The following KNDC1 variants were observed in gnomAD, a reference collection of about 807,000 sequenced individuals.
KNDC1 encodes the protein kinase non-catalytic C-lobe domain containing 1.
Under a neutral mutation model 172.8 loss-of-function variants are expected in KNDC1, and 106 were observed. The observed-to-expected ratio is 0.61, with a 90% CI of 0.52 to 0.72. The LOEUF is 0.72. Among genes scored for constraint, KNDC1 ranks in the 30% least tolerant of loss-of-function variants. KNDC1 has a pLI of 0.00. For synonymous variants in KNDC1, 1,083 were observed against 1,062.2 expected (o/e 1.02, Z -0.38); for missense variants, 2,325 against 2,394.5 (o/e 0.97, Z 0.61).
chr10:133,184,249 C>T (rs915749699), intron 5 of KNDC1, among the ~76,000 whole-genome samples: 1 of 138,500 alleles, frequency 7.2e-6, no homozygotes, highest in South Asian at 2.4e-4. Flanking sequence ...GCACACACTG[C>T]ACACACACGT....
chr10:133,207,427 C>T (rs545219600), intron 20 of KNDC1, 76 bp downstream of exon 20: 64 of 1,340,594 alleles, frequency 4.8e-5, no homozygotes, highest in African/African-American at 1.4e-4. Flanking sequence ...AACGTGCCCT[C>T]GCCAGTCAGC....
At position 133,209,732 on chromosome 10, in the gene KNDC1, G is replaced by A. The variant is rs1316765857; in HGVS notation, c.3795-879G>A. On this transcript the variant is annotated intron_variant, in intron 20 of 29. Coordinates refer to ENST00000304613, the MANE Select transcript of KNDC1 (RefSeq NM_152643.8). This position sits in a 1 kb window ranked among gnomAD's most constrained non-coding sequence, Gnocchi z 4.9. ...TGGTGGGCGTCACCTTTGCAGGGCA[G>A]CCTGGGGCTGGGGCTGTGGCCACCT... Among the ~76,000 whole-genome samples the A allele has an allele frequency of 2.0e-5, 3 of 152,074 alleles. No homozygotes were observed. The highest frequency in any genetic ancestry group is 4.4e-5 in the Non-Finnish European group (3 of 67,980).
At chr10:133,177,003 G>A (rs1441107605) in intron 3 of KNDC1, among the ~76,000 whole-genome samples, 3 of 152,328 alleles carry the variant, frequency 2.0e-5, no homozygotes, top group South Asian at 2.1e-4. Context: ...CTGAGTCTGC[G>A]TTCCCTGCTG....
At chr10:133,204,528 G>A (rs548315239) in intron 17 of KNDC1, among the ~76,000 whole-genome samples, 44 of 152,230 alleles carry the variant, frequency 2.9e-4, no homozygotes, top group African/African-American at 9.6e-4. Context: ...CTGCCGTAGC[G>A]GGGAGCCTGG....
chr10:133,183,410 G>A lies in KNDC1; in HGVS notation c.427G>A (p.Glu143Lys). Residue 143 changes from glutamate to lysine, a missense_variant, in exon 4 of 30, where the codon GAA (glutamate) becomes AAA (lysine). By Grantham distance (56) the Glu-to-Lys change is moderately conservative. Coordinates refer to ENST00000304613, the MANE Select transcript of KNDC1 (RefSeq NM_152643.8). ...ALEYVAEPTLEPRLSQDLEAL... is the reference protein window; with the variant it reads ...ALEYVAEPTLKPRLSQDLEAL... ...CGAGTACGTGGCAGAGCCCACACTG[G>A]AACCCAGGCTGAGCCAAGACCTCGA... 6.2e-7 allele frequency: 1 copy of A among 1,603,878 alleles called. No homozygotes were observed. Among genetic ancestry groups the A allele is most frequent in the Non-Finnish European group, 8.5e-7 (1 of 1,177,016 alleles).
rs1054833245 is a variant in KNDC1, at chr10:133,224,514, T to C, written c.5019-145T>C. On this transcript the variant is annotated intron_variant, in intron 29 of 29. Transcript: ENST00000304613. This position sits in a 1 kb window ranked among gnomAD's most constrained non-coding sequence, Gnocchi z 5.4. ...AGTAGTGACCTTTCCACCTCGCCAA[T>C]AAATACAGACAACCCACCCTTCAGA... is the stretch of plus-strand genomic sequence containing the variant. 15 of 640,212 alleles carry C rather than the reference T, an allele frequency of 2.3e-5. No individual in the cohort carries two copies. The African/African-American group carries it at 2.4e-4, about 10-fold the overall frequency. 39.7% of individuals were successfully genotyped at this position (640,212 alleles called of 1,614,324 possible).
intron 2 of KNDC1, 23 bp from the exon 3 acceptor site, chr10:133,168,231 T>C (rs1325978720): frequency 1.9e-5 from 30 of 1,610,714 alleles, no homozygotes; most frequent in Non-Finnish European, 2.5e-5. Flanking sequence ...AAGCCTTCTC[T>C]CCTTCTCTCT....
Position 133,198,573 on chromosome 10 carries a change from C to G in KNDC1, c.2070-5C>G. 2 of 1,584,216 alleles carry G rather than the reference C, an allele frequency of 1.3e-6. No individual in the cohort carries two copies. Among genetic ancestry groups the G allele is most frequent in the East Asian group, 2.3e-5 (1 of 44,100 alleles). ...AGCCCCTCCTGAGCTCTGCTCCTCC[C>G]GTAGGGACCAGCCTGCCTTGGCCCA... On this transcript the variant is annotated splice_polypyrimidine_tract_variant and splice_region_variant and intron_variant, in intron 13 of 29. Coordinates refer to ENST00000304613, the MANE Select transcript of KNDC1 (RefSeq NM_152643.8).
chr10:133,202,025 G>T (rs1204076030), intron 17 of KNDC1, 127 bp downstream of exon 17: 3 of 1,087,496 alleles, frequency 2.8e-6, no homozygotes, highest in Admixed American at 4.0e-5. Flanking sequence ...ACTGGTCCTG[G>T]TGCCCCCACC....
Position 133,168,921 on chromosome 10 carries a change from T to G in KNDC1, c.360+609T>G, listed in dbSNP as rs2998150. Among the ~76,000 whole-genome samples the G allele has an allele frequency of 2.1e-3, 325 of 152,170 alleles. 3 individuals carry two copies. The highest frequency in any genetic ancestry group is 7.2e-3 in the African/African-American group (299 of 41,532). ...GTCGGGCAACGGCAGCCCAGCGCCTTGAGGTCAGCACCTGTGTGGCCGGCT... is the reference window on the plus strand; with the variant it reads ...GTCGGGCAACGGCAGCCCAGCGCCTGGAGGTCAGCACCTGTGTGGCCGGCT... On this transcript the variant is annotated intron_variant, in intron 3 of 29. Coordinates refer to ENST00000304613, the MANE Select transcript of KNDC1 (RefSeq NM_152643.8).
At chr10:133,173,119 G>A (rs184333712) in intron 3 of KNDC1, among the ~76,000 whole-genome samples, 48 of 152,288 alleles carry the variant, frequency 3.2e-4, no homozygotes, top group African/African-American at 8.4e-4. Context: ...CTCTTCAGGC[G>A]CTGCATTAGC....
chr10:133,184,173 T>C (rs1325059471), intron 5 of KNDC1, among the ~76,000 whole-genome samples, 184 bp downstream of exon 5: 4 of 118,606 alleles, frequency 3.4e-5, no homozygotes, highest in East Asian at 2.4e-4. Flanking sequence ...CACACACACC[T>C]ATGCACACAC....
chr10:133,185,068 C>T (rs566457653), intron 5 of KNDC1, among the ~76,000 whole-genome samples: 2 of 152,400 alleles, frequency 1.3e-5, no homozygotes, highest in Middle Eastern at 6.8e-3. Flanking sequence ...AGCCAGGGCA[C>T]GGCCACGAGG....
chr10:133,210,364 C>CAAAAA (rs57759593), intron 20 of KNDC1, among the ~76,000 whole-genome samples: 3 of 74,470 alleles, frequency 4.0e-5, no homozygotes, highest in East Asian at 1.2e-3. Context: ...GAAACTCTGC[C>CAAAAA]AAAAAAAAAA....
intron 1 of KNDC1, among the ~76,000 whole-genome samples, chr10:133,164,813 G>A (rs1380752968): frequency 6.6e-6 from 1 of 152,198 alleles, no homozygotes; most frequent in Non-Finnish European, 1.5e-5. Flanking sequence ...TGTCTGCTGG[G>A]ATGTGGCGGG....
chr10:133,211,150 G>C (rs1845354581), intron 21 of KNDC1, among the ~76,000 whole-genome samples: 1 of 152,060 alleles, frequency 6.6e-6, no homozygotes, highest in African/African-American at 2.4e-5. Context: ...GCTGAGGGGG[G>C]AGGGGCTCTG....
At chr10:133,217,015 G>A (rs1310188632) in intron 26 of KNDC1, among the ~76,000 whole-genome samples, 1 of 152,248 alleles carries the variant, frequency 6.6e-6, no homozygotes, top group Non-Finnish European at 1.5e-5. Context: ...TGGGCGCCGG[G>A]GGCTGGGAGT....
intron 3 of KNDC1, among the ~76,000 whole-genome samples, chr10:133,173,702 ACTGT>A (rs1361393868): frequency 6.6e-6 from 1 of 152,210 alleles, no homozygotes; most frequent in Non-Finnish European, 1.5e-5. Flanking sequence ...TCCCCGGGTC[ACTGT>A]CTGGACAGCG....
intron 21 of KNDC1, 131 bp from the exon 22 acceptor site, chr10:133,211,291 G>C: frequency 2.0e-5 from 10 of 510,480 alleles, no homozygotes; most frequent in South Asian, 9.9e-5. Flanking sequence ...AAGACCCCCA[G>C]CCCCCTAAGC....
Sources: allele counts gnomAD v4.1 joint callset (sites outside exome capture counted in the v4.1 genomes callset), GRCh38; gene constraint gnomAD v4.1.1; non-coding constraint Gnocchi (gnomAD v3.1); transcripts MANE v1.5; gene names NCBI Gene and HGNC (gene_info 2026-07-23, HGNC 2026-07-21).